Variants in EPHA3 observed in about 807,000 individuals in gnomAD.
EPHA3 encodes EPH receptor A3, also known as ephrin type-A receptor 3.
Under a neutral mutation model 107.1 loss-of-function variants are expected in EPHA3, and 42 were observed. The observed-to-expected ratio is 0.39, with a 90% CI of 0.31 to 0.51. The LOEUF (loss-of-function observed/expected upper bound fraction) is 0.51, where lower values mean the gene tolerates loss of function less well. Ranked by LOEUF, EPHA3 falls within the 20% of genes least tolerant of loss-of-function variation. The pLI, the probability that EPHA3 is intolerant of heterozygous loss-of-function variation, is 0.78. For synonymous variants in EPHA3, 461 were observed against 424.8 expected, an observed-to-expected ratio of 1.09 and a Z score of -1.05; for missense variants, 1,183 against 1,211.2, an observed-to-expected ratio of 0.98 and a Z score of 0.35.
In EPHA3 at chr3:89,450,366, G is replaced by T; in HGVS notation, c.2686G>T (p.Ala896Ser). The T allele has an allele frequency of 1.2e-6, 2 of 1,609,194 alleles. No individual in the cohort carries two copies. The highest frequency in any genetic ancestry group is 1.7e-6 in the Non-Finnish European group (2 of 1,177,086). ...GSLKIITSAA[A>S]RPSNLLLDQS... is the part of the protein sequence containing the mutation. ...CCTGAAGATCATCACCAGTGCAGCC[G>T]CAAGGTGACACATTCAATTTGTTAT... Residue 896 changes from alanine (A) to serine (S), a missense_variant, in exon 15 of 17, where the codon GCA (alanine) becomes TCA (serine). Physicochemically the swap from Ala to Ser is moderately conservative, Grantham distance 99. Transcript: ENST00000336596.
At chr3:89,369,616 T>A (rs375813058) in intron 5 of EPHA3, among the ~76,000 whole-genome samples, 2 of 148,798 alleles carry the variant, frequency 1.3e-5, no homozygotes, top group Non-Finnish European at 3.0e-5. Flanking sequence ...CATGTCTAAA[T>A]CACCAAAAGC....
chr3:89,475,885 G>C (rs950977841), intron 16 of EPHA3, among the ~76,000 whole-genome samples: 21 of 151,886 alleles, frequency 1.4e-4, no homozygotes, highest in African/African-American at 4.4e-4. Flanking sequence ...CACACAGAGT[G>C]TTATGGAGAC....
chr3:89,191,702 G>T (rs1705720578), intron 2 of EPHA3, among the ~76,000 whole-genome samples: 2 of 152,078 alleles, frequency 1.3e-5, no homozygotes, highest in African/African-American at 2.4e-5. Flanking sequence ...CCAGTTAATT[G>T]GTAGATATAT....
In EPHA3 at chr3:89,210,097, C is replaced by A. The variant is rs1370363055; in HGVS notation, c.391C>A (p.His131Asn). The A allele has an allele frequency of 3.7e-6, 6 of 1,613,886 alleles. No individual in the cohort carries two copies. In the Admixed American group the frequency reaches 5.0e-5, roughly 13 times the overall value. ...GTACTACATGGAGTCTGATGATGAT[C>A]ATGGGGTGAAATTTCGAGAGCATCA... ...NLYYMESDDDHGVKFREHQFT... is the reference protein window; with the variant it reads ...NLYYMESDDDNGVKFREHQFT... Residue 131 changes from histidine (H) to asparagine (N), a missense_variant, in exon 3 of 17, where the codon CAT becomes AAT. His to Asn is a moderately conservative substitution (Grantham distance 68). Coordinates refer to ENST00000336596, the MANE Select transcript of EPHA3 (RefSeq NM_005233.6).
intron 13 of EPHA3, among the ~76,000 whole-genome samples, chr3:89,441,460 A>G (rs1709782907): frequency 6.6e-6 from 1 of 152,232 alleles, no homozygotes; most frequent in African/African-American, 2.4e-5. Context: ...GAGACCAGTA[A>G]AAGTAAATGC....
chr3:89,238,864 TA>T (rs1704830669), intron 3 of EPHA3, among the ~76,000 whole-genome samples: 1 of 152,188 alleles, frequency 6.6e-6, no homozygotes, highest in Non-Finnish European at 1.5e-5. Context: ...GACTTGATTA[TA>T]TTTTAGGGGG....
intron 3 of EPHA3, among the ~76,000 whole-genome samples, chr3:89,265,411 A>T (rs1705512636): frequency 6.6e-6 from 1 of 152,190 alleles, no homozygotes; most frequent in Non-Finnish European, 1.5e-5. Flanking sequence ...CTACAGAAAA[A>T]AAGTTATTTT....
chr3:89,275,791 T>C (rs1210598725), intron 3 of EPHA3, among the ~76,000 whole-genome samples: 1 of 152,130 alleles, frequency 6.6e-6, no homozygotes, highest in South Asian at 2.1e-4. Flanking sequence ...GTTTATTTTA[T>C]TCATTGACTC....
At chr3:89,199,945 T>G (rs996877528) in intron 2 of EPHA3, among the ~76,000 whole-genome samples, 1 of 152,200 alleles carries the variant, frequency 6.6e-6, no homozygotes, top group African/African-American at 2.4e-5. Context: ...TTACTTGGTT[T>G]TAGGCACAGG....
rs1168602757 is a variant in EPHA3 at position 89,208,699 on chromosome 3, G to T, written c.154-1161G>T. ...ACCACATCTTTCGTAAACAATAAAA[G>T]AGTTTACATTGACAATAATATAATA... is the stretch of plus-strand genomic sequence containing the variant. On this transcript the variant is annotated intron_variant, in intron 2 of 16. Coordinates refer to ENST00000336596, the MANE Select transcript of EPHA3 (RefSeq NM_005233.6). 3.9e-5 allele frequency among the ~76,000 whole-genome samples: 6 copies of T among 151,928 alleles called. No individual in the cohort carries two copies. In the East Asian group the frequency reaches 1.2e-3, roughly 29 times the overall value.
chr3:89,136,058 G>A (rs1215513685), intron 2 of EPHA3, among the ~76,000 whole-genome samples: 1 of 152,058 alleles, frequency 6.6e-6, no homozygotes, highest in Non-Finnish European at 1.5e-5. Flanking sequence ...TGTGAATGGG[G>A]TTTTATATGC....
At chr3:89,164,890 G>A (rs894173254) in intron 2 of EPHA3, among the ~76,000 whole-genome samples, 1 of 152,132 alleles carries the variant, frequency 6.6e-6, no homozygotes, top group African/African-American at 2.4e-5. Flanking sequence ...TAAAATGGAG[G>A]TGTATTTACA....
intron 2 of EPHA3, among the ~76,000 whole-genome samples, chr3:89,183,911 A>G (rs963299630): frequency 6.6e-6 from 1 of 151,976 alleles, no homozygotes; most frequent in African/African-American, 2.4e-5. Context: ...ACATAGAGAC[A>G]TTGAAATGAT....
At chr3:89,394,656 A>T (rs905645202) in intron 5 of EPHA3, among the ~76,000 whole-genome samples, 1 of 152,258 alleles carries the variant, frequency 6.6e-6, no homozygotes, top group African/African-American at 2.4e-5. Flanking sequence ...TGCAAAAATC[A>T]TCATGTGATA....
rs74434572 is a variant in EPHA3, at chr3:89,309,070, A to C, written c.815-31846A>C. Among the ~76,000 whole-genome samples, 379 of 152,232 alleles carry C rather than the reference A, an allele frequency of 2.5e-3. 1 individual carries two copies. The highest frequency in any genetic ancestry group is 8.9e-3 in the African/African-American group (369 of 41,568). ...TTAGGAAAGCTTTAAAGATGAAGAA[A>C]GTAGTGAAAGTATCAAATGTTGCAC... On this transcript the variant is annotated intron_variant, in intron 3 of 16. Transcript: ENST00000336596.
At chr3:89,343,171 A>G (rs1707571809) in intron 5 of EPHA3, among the ~76,000 whole-genome samples, 1 of 152,182 alleles carries the variant, frequency 6.6e-6, no homozygotes, top group East Asian at 1.9e-4. Flanking sequence ...CTTATCACCT[A>G]GGTCTTCTAG....
chr3:89,237,575 A>T (rs1704796787), intron 3 of EPHA3, among the ~76,000 whole-genome samples: 1 of 152,156 alleles, frequency 6.6e-6, no homozygotes, highest in African/African-American at 2.4e-5. Context: ...TTGTATAAAA[A>T]GTTAGTTGGT....
At chr3:89,383,259 G>A (rs1173164432) in intron 5 of EPHA3, among the ~76,000 whole-genome samples, 2 of 151,994 alleles carry the variant, frequency 1.3e-5, no homozygotes, top group African/African-American at 2.4e-5. Context: ...ATATATAATG[G>A]CATTTCGTTT....
intron 5 of EPHA3, among the ~76,000 whole-genome samples, chr3:89,356,140 A>G (rs560669826): frequency 6.6e-6 from 1 of 150,860 alleles, no homozygotes; most frequent in Non-Finnish European, 1.5e-5. Context: ...AATTTCATCC[A>G]TGTCCCTACA....
Sources: gnomAD v4.1 joint callset for allele counts (sites outside exome capture counted in the v4.1 genomes callset) on GRCh38, gnomAD v4.1.1 for gene constraint, MANE v1.5 for transcripts, NCBI Gene and HGNC (gene_info 2026-07-23, HGNC 2026-07-21) for gene names.